SCN8A: variants seen among roughly 807,000 people sequenced by gnomAD.
SCN8A encodes the protein sodium channel protein type 8 subunit alpha.
A neutral mutation model predicts 184.1 loss-of-function variants in SCN8A; 30 were observed. That is an observed-to-expected ratio of 0.16 (90% CI 0.12 to 0.22). The LOEUF is 0.22. SCN8A is among the 10% of genes least tolerant of loss of function. SCN8A has a pLI of 1.00. For synonymous variants in SCN8A, 852 were observed against 907.0 expected, an observed-to-expected ratio of 0.94 and a Z score of 1.09; for missense variants, 1,057 against 2,498.9, an observed-to-expected ratio of 0.42 and a Z score of 12.30.
chr12:51,730,941 A>G (rs1276368028), intron 12 of SCN8A, among the ~76,000 whole-genome samples: 3 of 152,154 alleles, frequency 2.0e-5, no homozygotes, highest in African/African-American at 7.2e-5. Context: ...TTTCGATCCC[A>G]CAGATAAGTG....
At chr12:51,765,467 C>G (rs543222039) in intron 15 of SCN8A, among the ~76,000 whole-genome samples, 6 of 152,280 alleles carry the variant, frequency 3.9e-5, no homozygotes, top group African/African-American at 1.4e-4. Context: ...TTCAGCTACT[C>G]TGAAATTAAT....
intron 5 of SCN8A, among the ~76,000 whole-genome samples, chr12:51,688,075 A>AAG (rs1941448835): frequency 6.6e-6 from 1 of 152,252 alleles, no homozygotes; most frequent in Admixed American, 6.5e-5. Context: ...ACTTTCTGTT[A>AAG]TATAAAGGCA....
chr12:51,683,878 T>G (rs1941376037), intron 2 of SCN8A, among the ~76,000 whole-genome samples: 1 of 152,184 alleles, frequency 6.6e-6, no homozygotes, highest in African/African-American at 2.4e-5. Flanking sequence ...TTCAGTATCG[T>G]GTACAGAGCT....
intron 15 of SCN8A, among the ~76,000 whole-genome samples, chr12:51,764,018 T>G (rs1942800608): frequency 6.6e-6 from 1 of 152,162 alleles, no homozygotes; most frequent in Admixed American, 6.5e-5. Flanking sequence ...CACAGTGGAC[T>G]TTTTTGAGAA....
At chr12:51,649,984 T>C (rs935365391) in intron 1 of SCN8A, among the ~76,000 whole-genome samples, 4 of 152,220 alleles carry the variant, frequency 2.6e-5, no homozygotes, top group East Asian at 1.9e-4. Context: ...AAGTCACCTC[T>C]TGAATGCTTT....
intron 1 of SCN8A, among the ~76,000 whole-genome samples, chr12:51,651,513 A>G (rs1327902506): frequency 1.3e-5 from 2 of 152,210 alleles, no homozygotes; most frequent in African/African-American, 4.8e-5. Context: ...GGCACTTCTT[A>G]CATGGCAGCA....
intron 26 of SCN8A, among the ~76,000 whole-genome samples, chr12:51,801,607 C>A (rs970974999): frequency 6.6e-6 from 1 of 152,184 alleles, no homozygotes; most frequent in South Asian, 2.1e-4. Flanking sequence ...CTTTTTAACT[C>A]CCCGAGCTGC....
chr12:51,609,962 T>TA (rs957511008), intron 1 of SCN8A, among the ~76,000 whole-genome samples: 6 of 151,022 alleles, frequency 4.0e-5, no homozygotes, highest in African/African-American at 1.5e-4. Flanking sequence ...CCCTAAAACT[T>TA]AAAGTATAAT....
At chr12:51,631,334 A>G (rs1940192142) in intron 1 of SCN8A, among the ~76,000 whole-genome samples, 1 of 152,214 alleles carries the variant, frequency 6.6e-6, no homozygotes, top group Non-Finnish European at 1.5e-5. Flanking sequence ...CCCCCCAAGC[A>G]GTATGCATAG....
chr12:51,760,491 CATGGTCA>C (rs1418703513), intron 14 of SCN8A, among the ~76,000 whole-genome samples: 1 of 152,192 alleles, frequency 6.6e-6, no homozygotes, highest in African/African-American at 2.4e-5. Context: ...ATAGATATTC[CATGGTCA>C]ATCAGCCAGT....
At chr12:51,597,176 G>A (rs756059117) in intron 1 of SCN8A, among the ~76,000 whole-genome samples, 2 of 152,156 alleles carry the variant, frequency 1.3e-5, no homozygotes, top group African/African-American at 2.4e-5. Flanking sequence ...TGGTGCTGAA[G>A]CTCTCTTGAT....
chr12:51,751,495 G>T lies in SCN8A; in HGVS notation c.2272G>T (p.Ala758Ser). The change falls in exon 14 of 27, where the codon GCC becomes TCC. Residue 758 changes from alanine (A) to serine (S), a missense_variant. Ala to Ser is a moderately conservative substitution (Grantham distance 99, BLOSUM62 1). Transcript: ENST00000627620. Reference protein sequence around the residue: ...LIVMDPFVDLAITICIVLNTL... With the variant: ...LIVMDPFVDLSITICIVLNTL... ...AGTTATGGACCCTTTTGTGGATTTA[G>T]CCATCACCATCTGCATCGTCCTGAA... 6.2e-7 allele frequency: 1 copy of T among 1,613,886 alleles called. No homozygotes were observed. The highest frequency in any genetic ancestry group is 8.5e-7 in the Non-Finnish European group (1 of 1,179,858).
chr12:51,614,691 G>T (rs544182111), intron 1 of SCN8A, among the ~76,000 whole-genome samples: 1 of 151,560 alleles, frequency 6.6e-6, no homozygotes, highest in Non-Finnish European at 1.5e-5. Context: ...TCCAGGATCC[G>T]GTCCAGGATA....
intron 12 of SCN8A, among the ~76,000 whole-genome samples, chr12:51,728,615 G>A (rs1942190957): frequency 6.6e-6 from 1 of 151,748 alleles, no homozygotes. Context: ...CGCACCTTTA[G>A]TCCCAGCTAC....
intron 2 of SCN8A, among the ~76,000 whole-genome samples, chr12:51,680,134 C>T (rs1296720714): frequency 6.6e-6 from 1 of 151,550 alleles, no homozygotes; most frequent in Non-Finnish European, 1.5e-5. Context: ...GGAGATTTAC[C>T]TTCATTTCAG....
intron 1 of SCN8A, among the ~76,000 whole-genome samples, chr12:51,634,578 C>T (rs1318922788): frequency 8.6e-5 from 13 of 151,310 alleles, no homozygotes; most frequent in South Asian, 4.2e-4. Context: ...GGCTCATAGA[C>T]GGTTTTTAAT....
chr12:51,741,846 A>G (rs952709750), intron 12 of SCN8A, among the ~76,000 whole-genome samples: 11 of 152,170 alleles, frequency 7.2e-5, no homozygotes, highest in Admixed American at 7.2e-4. Flanking sequence ...CTGGGATTAC[A>G]AGCATGTGCC....
intron 11 of SCN8A, chr12:51,713,598 T>G: frequency 1.5e-6 from 1 of 658,874 alleles, no homozygotes; most frequent in Non-Finnish European, 2.7e-6. Context: ...GCGGTGGTTT[T>G]ACCTCCATTT....
At chr12:51,780,591 T>TAAC in intron 20 of SCN8A, 58 bp from the exon 21 acceptor site, 2 of 333,584 alleles carry the variant, frequency 6.0e-6, no homozygotes, top group Non-Finnish European at 1.0e-5. Context: ...TTTTTTTTTT[T>TAAC]TTTTTTTTTT....
Sources: allele counts gnomAD v4.1 joint callset (sites outside exome capture counted in the v4.1 genomes callset), GRCh38; gene constraint gnomAD v4.1.1; transcripts MANE v1.5; gene names NCBI Gene and HGNC (gene_info 2026-07-23, HGNC 2026-07-21).